DYRK4: variants seen among roughly 807,000 people sequenced by gnomAD.
DYRK4 encodes the protein dual specificity tyrosine phosphorylation regulated kinase 4, also known as dual specificity tyrosine-phosphorylation-regulated kinase 4.
In DYRK4, 64 loss-of-function variants were observed where a neutral mutation model predicts 68.3. The observed-to-expected ratio is 0.94, with a 90% CI of 0.77 to 1.15. The LOEUF (loss-of-function observed/expected upper bound fraction) is 1.15, where lower values mean the gene tolerates loss of function less well. Ranked by LOEUF, DYRK4 falls within the 50% of genes most tolerant of loss-of-function variation. The pLI is 0.00. For missense variants in DYRK4, 740 were observed against 764.7 expected (o/e 0.97, Z 0.38); for synonymous variants, 274 against 289.9 (o/e 0.95, Z 0.56).
At position 4,604,374 on chromosome 12, in the gene DYRK4, C is replaced by T. The variant is rs148863643; in HGVS notation, c.1127-540C>T. ...TGCCCCTCCCCAGGTAACCAGAAAC[C>T]CCAGTTATGCGGAAATAACTACCGT... On this transcript the variant is annotated intron_variant, in intron 10 of 14. Transcript: ENST00000543431. Among the ~76,000 whole-genome samples the T allele has an allele frequency of 1.2e-4, 18 of 152,298 alleles. No homozygotes were observed. In the East Asian group the frequency reaches 1.5e-3, roughly 13 times the overall value.
chr12:4,596,456 G>A (rs1945019092), intron 7 of DYRK4, 133 bp from the exon 8 acceptor site: 1 of 1,492,734 alleles, frequency 6.7e-7, no homozygotes, highest in Non-Finnish European at 8.9e-7. Flanking sequence ...GTGAGAGTGT[G>A]GTATTTTTAG....
intron 2 of DYRK4, chr12:4,572,919 A>G (rs975490636): frequency 9.3e-6 from 2 of 214,804 alleles, no homozygotes; most frequent in Non-Finnish European, 1.9e-5. Flanking sequence ...ACGGTCATTC[A>G]TTGTCTCATT....
chr12:4,589,647 AATGACAGGTTCTCATCCTTTTTT>A (rs987604892), intron 3 of DYRK4, among the ~76,000 whole-genome samples: 3 of 152,212 alleles, frequency 2.0e-5, no homozygotes, highest in Non-Finnish European at 4.4e-5. Context: ...TATTCTTGCA[AATGACAGGTTCTCATCCTTTTTT>A]ATGACTGAAT....
rs1265826628 is a variant in DYRK4 at position 4,613,246 on chromosome 12, G to A, written c.1667-269G>A. Among the ~76,000 whole-genome samples the A allele has an allele frequency of 1.3e-5, 2 of 152,198 alleles. No homozygotes were observed. Among genetic ancestry groups the A allele is most frequent in the African/African-American group, 2.4e-5 (1 of 41,452 alleles). ...AAATTCTGGTTCTACCACTTATCAG[G>A]TGTGGACTTAACCTCTCTGTAGCTC... On this transcript the variant is annotated intron_variant, in intron 14 of 14. Transcript: ENST00000543431. This position sits in a 1 kb window ranked among gnomAD's most constrained non-coding sequence, Gnocchi z 4.0.
chr12:4,582,571 A>C (rs1944854838), intron 2 of DYRK4, among the ~76,000 whole-genome samples: 2 of 152,240 alleles, frequency 1.3e-5, no homozygotes, highest in African/African-American at 4.8e-5. Flanking sequence ...AGTACAGAGC[A>C]CAGGGTAGCG....
intron 3 of DYRK4, chr12:4,590,079 G>A (rs1944936110): frequency 8.6e-7 from 1 of 1,164,354 alleles, no homozygotes. Context: ...GAAAGAGTCA[G>A]TGTGAGCTGT....
rs181888123 is a variant in DYRK4, at chr12:4,580,885, C to T, written c.133-8052C>T. On this transcript the variant is annotated intron_variant, in intron 2 of 14. Coordinates refer to ENST00000543431, the MANE Select transcript of DYRK4 (RefSeq NM_001394779.1). ...AATCGCCTGTGAAGTATGACTGAGG[C>T]GGGATGGTGTGATGGAGGTGTGCCT... The T allele has an allele frequency of 4.4e-4, 200 of 455,556 alleles. 1 individual carries two copies. Among genetic ancestry groups the T allele is most frequent in the African/African-American group, 3.4e-3 (172 of 49,982 alleles). The allele number at this position is 455,556 out of a possible 1,614,324, so 28.2% of individuals were successfully genotyped here. A position where few individuals can be genotyped will look rare whatever the true frequency, so the allele number is the denominator to read the frequency against.
At chr12:4,612,796 A>G in intron 14 of DYRK4, 78 bp downstream of exon 14, 1 of 1,495,160 alleles carries the variant, frequency 6.7e-7, no homozygotes. Context: ...TCTCCTTGTG[A>G]TATTTTTGAA....
rs779792603 is a variant in DYRK4 at position 4,613,462 on chromosome 12, A to G, written c.1667-53A>G. ...ATGTACAACCTAAAGGACAATTAAC[A>G]TATAATCCACATTTGAATCTTGTTC... On this transcript the variant is annotated intron_variant, in intron 14 of 14. Coordinates refer to ENST00000543431, the MANE Select transcript of DYRK4 (RefSeq NM_001394779.1). The surrounding 1 kb of genome is among the most constrained non-coding windows in gnomAD (Gnocchi z 4.0). 4.5e-6 allele frequency: 7 copies of G among 1,566,140 alleles called. No homozygotes were observed. The highest frequency in any genetic ancestry group is 2.7e-5 in the African/African-American group (2 of 73,780).
intron 1 of DYRK4, chr12:4,567,266 C>G (rs771665897): frequency 6.6e-6 from 1 of 152,166 alleles, no homozygotes; most frequent in Non-Finnish European, 1.5e-5. Flanking sequence ...CTGTTCTGCC[C>G]TTGTTTCTTG....
At chr12:4,572,095 G>C (rs906871730) in intron 2 of DYRK4, among the ~76,000 whole-genome samples, 1 of 152,158 alleles carries the variant, frequency 6.6e-6, no homozygotes, top group Non-Finnish European at 1.5e-5. Context: ...CTTAAAATTG[G>C]GATTCTTTGT....
At chr12:4,593,220 CTAGAAAGGAAAAAA>C in intron 6 of DYRK4, 55 bp downstream of exon 6, 3 of 1,572,734 alleles carry the variant, frequency 1.9e-6, no homozygotes, top group Non-Finnish European at 2.6e-6. Context: ...AAGAGGTAGT[CTAGAAAGGAAAAAA>C]GCAACGGTAT....
At chr12:4,565,039 C>T (rs1944663046) in intron 1 of DYRK4, among the ~76,000 whole-genome samples, 1 of 152,176 alleles carries the variant, frequency 6.6e-6, no homozygotes, top group Non-Finnish European at 1.5e-5. Flanking sequence ...AATGGCCAAA[C>T]TTTTGGTTTC....
chr12:4,600,931 G>A (rs531375005), intron 10 of DYRK4, among the ~76,000 whole-genome samples: 3 of 151,992 alleles, frequency 2.0e-5, no homozygotes, highest in African/African-American at 7.2e-5. Flanking sequence ...CTGGCAACCA[G>A]CCCCTATTCA....
chr12:4,586,315 CTGTGAATAAAATCT>C (rs1398844029), intron 2 of DYRK4, among the ~76,000 whole-genome samples: 1 of 152,154 alleles, frequency 6.6e-6, no homozygotes, highest in East Asian at 1.9e-4. Context: ...CTCTGGACCC[CTGTGAATAAAATCT>C]TTTGTTACAT....
At chr12:4,601,874 G>A (rs1945084236) in intron 10 of DYRK4, 1 of 96,258 alleles carries the variant, frequency 1.0e-5, no homozygotes, top group Non-Finnish European at 2.1e-5. Context: ...AGTCTGTAGG[G>A]TTTGTGTGTG....
chr12:4,566,998 G>A (rs1363166625), intron 1 of DYRK4, among the ~76,000 whole-genome samples: 2 of 152,044 alleles, frequency 1.3e-5, no homozygotes, highest in African/African-American at 4.8e-5. Flanking sequence ...TACATTATGG[G>A]CACATATAAA....
intron 2 of DYRK4, among the ~76,000 whole-genome samples, chr12:4,585,669 C>T (rs1944889519): frequency 6.6e-6 from 1 of 152,008 alleles, no homozygotes; most frequent in African/African-American, 2.4e-5. Flanking sequence ...AGGAGATATA[C>T]CTAATGTAAA....
intron 7 of DYRK4, 78 bp from the exon 8 acceptor site, chr12:4,596,511 C>G: frequency 6.4e-7 from 1 of 1,551,918 alleles, no homozygotes; most frequent in Non-Finnish European, 8.7e-7. Context: ...TGGGGAGGGG[C>G]TGACTGCTGC....
Sources: gnomAD v4.1 joint callset for allele counts (sites outside exome capture counted in the v4.1 genomes callset) on GRCh38, gnomAD v4.1.1 for gene constraint, Gnocchi (gnomAD v3.1) non-coding constraint, MANE v1.5 for transcripts, NCBI Gene and HGNC (gene_info 2026-07-23, HGNC 2026-07-21) for gene names.